The following ATRN variants were observed in gnomAD, a reference collection of about 807,000 sequenced individuals.
ATRN encodes attractin-2.
In ATRN, 54 loss-of-function variants were observed where a neutral mutation model predicts 178.7. The observed-to-expected ratio is 0.30, with a 90% CI of 0.24 to 0.38. The LOEUF (loss-of-function observed/expected upper bound fraction) is 0.38. Ranked by LOEUF, ATRN falls within the 10% of genes least tolerant of loss-of-function variation. The pLI, the probability that ATRN is intolerant of heterozygous loss-of-function variation, is 1.00. For synonymous variants in ATRN, 636 were observed against 663.0 expected, an observed-to-expected ratio of 0.96 and a Z score of 0.63; for missense variants, 1,443 against 1,815.1, an observed-to-expected ratio of 0.79 and a Z score of 3.73.
intron 15 of ATRN, among the ~76,000 whole-genome samples, chr20:3,580,287 A>C (rs1054618570): frequency 6.6e-6 from 1 of 152,204 alleles, no homozygotes; most frequent in African/African-American, 2.4e-5. Context: ...AAAAGGGTTC[A>C]ACCAGGTGGC....
At chr20:3,478,529 C>A (rs1258507950) in intron 1 of ATRN, among the ~76,000 whole-genome samples, 1 of 151,916 alleles carries the variant, frequency 6.6e-6, no homozygotes, top group Non-Finnish European at 1.5e-5. Context: ...CACACTGGGG[C>A]TTTCGGTGGG....
At chr20:3,552,144 T>G (rs1388138870) in intron 6 of ATRN, among the ~76,000 whole-genome samples, 1 of 152,196 alleles carries the variant, frequency 6.6e-6, no homozygotes, top group Non-Finnish European at 1.5e-5. Flanking sequence ...CTTCTCAGCC[T>G]CTTTAGCTGG....
At chr20:3,542,919 G>A (rs1291455538) in intron 3 of ATRN, among the ~76,000 whole-genome samples, 3 of 151,588 alleles carry the variant, frequency 2.0e-5, no homozygotes, top group African/African-American at 4.9e-5. Context: ...GATTACAGGT[G>A]TGAGCCACTG....
chr20:3,614,269 G>A (rs1170922395), intron 24 of ATRN, among the ~76,000 whole-genome samples: 2 of 152,118 alleles, frequency 1.3e-5, no homozygotes, highest in East Asian at 1.9e-4. Context: ...GGGCTCAGCC[G>A]GCTTCAGCTA....
At chr20:3,565,839 T>C (rs537072624) in intron 11 of ATRN, among the ~76,000 whole-genome samples, 1 of 150,578 alleles carries the variant, frequency 6.6e-6, no homozygotes, top group East Asian at 1.9e-4. Context: ...TAAAGTGGAA[T>C]TGGACTCAAC....
intron 24 of ATRN, among the ~76,000 whole-genome samples, chr20:3,620,631 A>G (rs111252351): frequency 0.013 from 1,928 of 152,306 alleles, 43 homozygotes; most frequent in African/African-American, 0.044. Flanking sequence ...GCTTAAAGAT[A>G]TAGAGACAGG....
intron 1 of ATRN, among the ~76,000 whole-genome samples, chr20:3,525,736 T>C (rs1391975898): frequency 6.6e-6 from 1 of 152,182 alleles, no homozygotes; most frequent in African/African-American, 2.4e-5. Context: ...GGATGCAAGA[T>C]GGGTTCAACA....
In ATRN at chr20:3,583,770, T is replaced by C. The variant is rs530578534; in HGVS notation, c.2765-128T>C. 3.0e-4 allele frequency: 283 copies of C among 945,250 alleles called. No homozygotes were observed. In the African/African-American group the frequency reaches 4.3e-3, roughly 14 times the overall value. 58.6% of individuals were successfully genotyped at this position (945,250 alleles called of 1,614,324 possible). A position where few individuals can be genotyped will look rare whatever the true frequency, so the allele number is the denominator to read the frequency against. On this transcript the variant is annotated intron_variant, in intron 16 of 28. Coordinates refer to ENST00000262919, the MANE Select transcript of ATRN (RefSeq NM_139321.3). ...TTGCAGTGAGCCGAAATTGTGCCACTGCACTCTAGCCTGGAGACAGAGTGA... is the reference window on the plus strand; with the variant it reads ...TTGCAGTGAGCCGAAATTGTGCCACCGCACTCTAGCCTGGAGACAGAGTGA...
intron 1 of ATRN, among the ~76,000 whole-genome samples, chr20:3,507,694 ATTTTTTTTT>A (rs55823401): frequency 1.7e-5 from 2 of 114,696 alleles, no homozygotes; most frequent in Non-Finnish European, 3.6e-5. Context: ...AGTTAAAAAT[ATTTTTTTTT>A]TTTTTTTTTT....
intron 1 of ATRN, among the ~76,000 whole-genome samples, chr20:3,529,219 T>G (rs2085415978): frequency 6.6e-6 from 1 of 152,000 alleles, no homozygotes; most frequent in South Asian, 2.1e-4. Context: ...ATACCAAATG[T>G]GGGAACTGAT....
intron 6 of ATRN, among the ~76,000 whole-genome samples, chr20:3,550,672 G>A (rs1331697040): frequency 6.6e-6 from 1 of 152,084 alleles, no homozygotes; most frequent in African/African-American, 2.4e-5. Flanking sequence ...CAGATTTTAG[G>A]CATTTTCATG....
chr20:3,584,230 G>A (rs2086323400), intron 17 of ATRN, 147 bp downstream of exon 17: 2 of 822,054 alleles, frequency 2.4e-6, no homozygotes, highest in South Asian at 1.7e-5. Flanking sequence ...GACTGCCATC[G>A]AGACCTTGCT....
intron 1 of ATRN, among the ~76,000 whole-genome samples, chr20:3,507,694 ATTTTTT>A: frequency 8.7e-6 from 1 of 114,692 alleles, no homozygotes; most frequent in East Asian, 2.4e-4. Context: ...AGTTAAAAAT[ATTTTTT>A]TTTTTTTTTT....
intron 18 of ATRN, among the ~76,000 whole-genome samples, chr20:3,585,933 C>T (rs928830879): frequency 1.3e-5 from 2 of 152,084 alleles, no homozygotes; most frequent in South Asian, 2.1e-4. Flanking sequence ...ATCAATAAAA[C>T]AGGTAATAAC....
At chr20:3,472,460 AAGAC>A (rs1241828314) in intron 1 of ATRN, among the ~76,000 whole-genome samples, 2 of 152,350 alleles carry the variant, frequency 1.3e-5, no homozygotes, top group South Asian at 2.1e-4. Context: ...AAATGTGAAC[AAGAC>A]AGACAGGGCC....
intron 24 of ATRN, among the ~76,000 whole-genome samples, chr20:3,608,927 A>G (rs1294688447): frequency 4.6e-5 from 7 of 151,112 alleles, no homozygotes; most frequent in Admixed American, 4.0e-4. Flanking sequence ...AGATTACGCC[A>G]CTACATTCTA....
At chr20:3,502,425 A>G (rs2084977009) in intron 1 of ATRN, among the ~76,000 whole-genome samples, 1 of 152,192 alleles carries the variant, frequency 6.6e-6, no homozygotes, top group South Asian at 2.1e-4. Flanking sequence ...GAAGAACAAC[A>G]TAGTCGTAGA....
At chr20:3,610,098 A>G (rs989610146) in intron 24 of ATRN, among the ~76,000 whole-genome samples, 2 of 152,242 alleles carry the variant, frequency 1.3e-5, no homozygotes, top group African/African-American at 2.4e-5. Context: ...ACACTTAAAA[A>G]TGGTTAAAGT....
intron 25 of ATRN, among the ~76,000 whole-genome samples, chr20:3,630,884 C>T (rs1325209491): frequency 9.1e-6 from 1 of 110,348 alleles, no homozygotes; most frequent in Non-Finnish European, 1.8e-5. Context: ...TTTCCCAGGA[C>T]AAGTTAACCA....
Sources: allele counts gnomAD v4.1 joint callset (sites outside exome capture counted in the v4.1 genomes callset), GRCh38; gene constraint gnomAD v4.1.1; transcripts MANE v1.5; gene names NCBI Gene and HGNC (gene_info 2026-07-23, HGNC 2026-07-21).